Variants in ARB2A observed in about 807,000 individuals in gnomAD.
ARB2A encodes the protein ARB2 cotranscriptional regulator A, also known as cotranscriptional regulator ARB2A.
At chr5:93,704,970 A>G in the ARB2A span, among the ~76,000 whole-genome samples, 2 of 152,150 alleles carry the variant, frequency 1.3e-5, no homozygotes, top group Non-Finnish European at 2.9e-5. Context: ...AGGGCAATCA[A>G]TCCTCTCGTG....
At chr5:93,786,378 A>C in the ARB2A span, among the ~76,000 whole-genome samples, 45 of 152,342 alleles carry the variant, frequency 3.0e-4, no homozygotes, top group African/African-American at 8.7e-4. Flanking sequence ...CTGACGTTTC[A>C]TACAGTGGAA....
At chr5:93,765,885 A>G in the ARB2A span, among the ~76,000 whole-genome samples, 3 of 152,202 alleles carry the variant, frequency 2.0e-5, no homozygotes, top group East Asian at 1.9e-4. Flanking sequence ...ATAATGCTGC[A>G]TATCTACAAC....
the ARB2A span, chr5:93,683,447 C>T: frequency 8.1e-6 from 13 of 1,599,696 alleles, no homozygotes; most frequent in Non-Finnish European, 1.1e-5. Flanking sequence ...TATTTCAAAG[C>T]CCCCAAGGGA....
chr5:93,672,702 C>T, the ARB2A span, among the ~76,000 whole-genome samples: 1 of 152,138 alleles, frequency 6.6e-6, no homozygotes, highest in African/African-American at 2.4e-5. Context: ...TTAAAACCCA[C>T]AAAATTTAGT....
At chr5:93,902,649 C>T in the ARB2A span, among the ~76,000 whole-genome samples, 2 of 152,076 alleles carry the variant, frequency 1.3e-5, no homozygotes, top group African/African-American at 2.4e-5. Flanking sequence ...AAAGCAGCAT[C>T]GGGAGAGTAG....
At chr5:93,741,045 G>A in the ARB2A span, 1 of 1,613,732 alleles carries the variant, frequency 6.2e-7, no homozygotes, top group East Asian at 2.2e-5. Context: ...TGTTGGCGAC[G>A]CTTAGCTGCT....
chr5:93,907,189 G>C, the ARB2A span, among the ~76,000 whole-genome samples: 4 of 151,258 alleles, frequency 2.6e-5, no homozygotes, highest in African/African-American at 9.7e-5. Context: ...TTCTGTATAA[G>C]TCCCTGCTGT....
the ARB2A span, among the ~76,000 whole-genome samples, chr5:94,035,352 T>C: frequency 4.0e-4 from 61 of 152,286 alleles, no homozygotes; most frequent in African/African-American, 1.4e-3. Flanking sequence ...AATGAGTTTA[T>C]GGTGAAATTC....
the ARB2A span, among the ~76,000 whole-genome samples, chr5:93,681,513 C>T: frequency 1.3e-5 from 2 of 152,056 alleles, no homozygotes; most frequent in Non-Finnish European, 2.9e-5. Context: ...CCTAGAATGC[C>T]TTCCCCTCTC....
the ARB2A span, among the ~76,000 whole-genome samples, chr5:94,062,913 G>T: frequency 6.6e-6 from 1 of 152,188 alleles, no homozygotes; most frequent in Non-Finnish European, 1.5e-5. Flanking sequence ...ATTTTCACAT[G>T]TCCTGAGGAT....
chr5:93,661,526 A>G, the ARB2A span, among the ~76,000 whole-genome samples: 4 of 152,160 alleles, frequency 2.6e-5, no homozygotes, highest in African/African-American at 9.7e-5. Context: ...AAAACTAAGT[A>G]TAGCCTATTC....
chr5:93,900,325 T>C, the ARB2A span, among the ~76,000 whole-genome samples: 1 of 152,034 alleles, frequency 6.6e-6, no homozygotes, highest in Non-Finnish European at 1.5e-5. Flanking sequence ...AAGAATGTGA[T>C]ACATGGGCTG....
At chr5:93,978,833 A>G in the ARB2A span, among the ~76,000 whole-genome samples, 1 of 152,112 alleles carries the variant, frequency 6.6e-6, no homozygotes, top group East Asian at 1.9e-4. Flanking sequence ...TACCAAGATT[A>G]TAGATACCAG....
the ARB2A span, among the ~76,000 whole-genome samples, chr5:93,816,151 T>C: frequency 7.2e-5 from 11 of 152,200 alleles, no homozygotes; most frequent in Non-Finnish European, 8.8e-5. Context: ...GAATTCTTTT[T>C]GTCCCCTAGA....
the ARB2A span, among the ~76,000 whole-genome samples, chr5:94,080,919 G>A: frequency 1.3e-5 from 2 of 151,978 alleles, no homozygotes; most frequent in African/African-American, 4.8e-5. Flanking sequence ...TTTTCTAACG[G>A]TTTTCTGAAT....
At chr5:93,991,916 C>T in the ARB2A span, among the ~76,000 whole-genome samples, 1 of 151,834 alleles carries the variant, frequency 6.6e-6, no homozygotes, top group African/African-American at 2.4e-5. Context: ...ATCCAAGAAG[C>T]TCAACAAGCA....
the ARB2A span, among the ~76,000 whole-genome samples, chr5:94,064,871 C>T: frequency 6.6e-6 from 1 of 152,116 alleles, no homozygotes; most frequent in Non-Finnish European, 1.5e-5. Context: ...GGGAAGATAT[C>T]TAGCACCATG....
At chr5:93,836,889 C>CA in the ARB2A span, among the ~76,000 whole-genome samples, 6 of 151,692 alleles carry the variant, frequency 4.0e-5, no homozygotes, top group East Asian at 3.9e-4. Flanking sequence ...TGAAAATAGA[C>CA]AAAAAAAAGT....
chr5:93,652,918 C>T, the ARB2A span, among the ~76,000 whole-genome samples: 9 of 152,078 alleles, frequency 5.9e-5, no homozygotes, highest in Non-Finnish European at 1.2e-4. Context: ...AAGGAGAGAA[C>T]AAAAATGAGA....
Sources: allele counts gnomAD v4.1 joint callset (sites outside exome capture counted in the v4.1 genomes callset), GRCh38; gene constraint gnomAD v4.1.1; transcripts MANE v1.5; gene names NCBI Gene and HGNC (gene_info 2026-07-23, HGNC 2026-07-21).